Variants in SLC35F1 observed in about 807,000 individuals in gnomAD.
SLC35F1 encodes the protein chromosome 6 open reading frame 169.
A neutral mutation model predicts 48.7 loss-of-function variants in SLC35F1; 14 were observed. The observed-to-expected ratio is 0.29, with a 90% confidence interval of 0.19 to 0.45. SLC35F1 has a LOEUF of 0.45. SLC35F1 is among the 20% of genes least tolerant of loss of function. The pLI, the probability that SLC35F1 is intolerant of heterozygous loss-of-function variation, is 1.00. For missense variants in SLC35F1, 404 were observed against 500.0 expected (o/e 0.81, Z 1.83); for synonymous variants, 190 against 202.2 (o/e 0.94, Z 0.51).
chr6:118,037,785 T>C (rs138468007), intron 1 of SLC35F1, among the ~76,000 whole-genome samples: 2,201 of 149,750 alleles, frequency 0.015, 61 homozygotes, highest in African/African-American at 0.051. Flanking sequence ...AACCAAACAC[T>C]GCATATTCTC....
At chr6:118,005,061 C>T (rs547903301) in intron 1 of SLC35F1, among the ~76,000 whole-genome samples, 13 of 152,206 alleles carry the variant, frequency 8.5e-5, no homozygotes, top group Non-Finnish European at 1.3e-4. Context: ...CAGTTAGACT[C>T]GTCATTCTGA....
At chr6:118,117,319 C>T (rs1252542296) in intron 1 of SLC35F1, among the ~76,000 whole-genome samples, 1 of 152,204 alleles carries the variant, frequency 6.6e-6, no homozygotes, top group African/African-American at 2.4e-5. Context: ...CTCAATTTTG[C>T]AGAGCAGCTT....
intron 1 of SLC35F1, among the ~76,000 whole-genome samples, chr6:118,099,343 C>A (rs1427629681): frequency 6.6e-6 from 1 of 152,174 alleles, no homozygotes; most frequent in African/African-American, 2.4e-5. Flanking sequence ...AGTTGGGAAA[C>A]CTTATTTTGA....
chr6:118,258,842 G>A (rs1373739133), intron 3 of SLC35F1, among the ~76,000 whole-genome samples: 1 of 151,774 alleles, frequency 6.6e-6, no homozygotes, highest in Non-Finnish European at 1.5e-5. Flanking sequence ...AACTGAATTA[G>A]CTATTAACTT....
intron 1 of SLC35F1, among the ~76,000 whole-genome samples, chr6:117,977,668 T>C (rs1776722946): frequency 6.6e-6 from 1 of 152,176 alleles, no homozygotes; most frequent in Non-Finnish European, 1.5e-5. Flanking sequence ...ATCTGCTATA[T>C]CTGGGGTATT....
At chr6:118,216,806 T>G (rs901522476) in intron 2 of SLC35F1, among the ~76,000 whole-genome samples, 1 of 152,178 alleles carries the variant, frequency 6.6e-6, no homozygotes, top group Non-Finnish European at 1.5e-5. Context: ...AAGTATCACA[T>G]GGATATATTA....
intron 2 of SLC35F1, among the ~76,000 whole-genome samples, chr6:118,202,676 T>A (rs751669441): frequency 6.6e-6 from 1 of 152,214 alleles, no homozygotes; most frequent in African/African-American, 2.4e-5. Context: ...CCTGCTTCCA[T>A]GGCAATTCCA....
At chr6:118,003,028 C>T (rs1777125206) in intron 1 of SLC35F1, among the ~76,000 whole-genome samples, 1 of 152,108 alleles carries the variant, frequency 6.6e-6, no homozygotes, top group South Asian at 2.1e-4. Context: ...AGATTGTGCT[C>T]AGTAAATCAA....
intron 1 of SLC35F1, among the ~76,000 whole-genome samples, chr6:118,065,472 GT>G (rs1252811298): frequency 6.6e-6 from 1 of 152,090 alleles, no homozygotes; most frequent in African/African-American, 2.4e-5. Flanking sequence ...AAAATTTGAG[GT>G]GATGGATATC....
At chr6:117,943,905 G>T (rs938199423) in intron 1 of SLC35F1, among the ~76,000 whole-genome samples, 7 of 152,150 alleles carry the variant, frequency 4.6e-5, no homozygotes, top group Non-Finnish European at 1.0e-4. Context: ...ATTAAAGAGT[G>T]TTCAAACTTT....
Position 118,316,061 on chromosome 6 carries a change from G to A in SLC35F1, c.*1809G>A, listed in dbSNP as rs1050408789. On this transcript the variant is annotated 3_prime_UTR_variant, in exon 8 of 8. Coordinates refer to ENST00000360388, the MANE Select transcript of SLC35F1 (RefSeq NM_001029858.4). ...TAAGCAAGCAAAGCAAAACACCAGT[G>A]GGGTCTCTGGAAAGTAAAAGGACAG... The A allele has an allele frequency of 6.6e-6, 1 of 152,170 alleles. No individual in the cohort carries two copies. The highest frequency in any genetic ancestry group is 1.5e-5 in the Non-Finnish European group (1 of 68,038). 9.4% of individuals were successfully genotyped at this position (152,170 alleles called of 1,614,324 possible).
At chr6:118,082,619 G>A (rs1772928215) in intron 1 of SLC35F1, among the ~76,000 whole-genome samples, 1 of 151,270 alleles carries the variant, frequency 6.6e-6, no homozygotes, top group South Asian at 2.1e-4. Context: ...ACCACCAAAA[G>A]TTGAGCCTTC....
chr6:118,003,554 AGT>A (rs1476816856), intron 1 of SLC35F1, among the ~76,000 whole-genome samples: 2 of 152,198 alleles, frequency 1.3e-5, no homozygotes, highest in African/African-American at 4.8e-5. Context: ...ATAAGCTAAG[AGT>A]GTGCTGTTCA....
At chr6:118,002,152 G>A (rs1239004201) in intron 1 of SLC35F1, among the ~76,000 whole-genome samples, 23 of 146,692 alleles carry the variant, frequency 1.6e-4, no homozygotes, top group African/African-American at 3.6e-4. Flanking sequence ...ACATGCACAC[G>A]TATGTTTATT....
intron 1 of SLC35F1, among the ~76,000 whole-genome samples, chr6:118,013,719 T>A (rs976526036): frequency 6.6e-6 from 1 of 152,222 alleles, no homozygotes; most frequent in Admixed American, 6.5e-5. Context: ...TGTTATTTTT[T>A]TTCATTGAAT....
intron 1 of SLC35F1, among the ~76,000 whole-genome samples, chr6:118,081,998 A>C (rs1401582084): frequency 1.3e-5 from 2 of 152,202 alleles, no homozygotes; most frequent in Non-Finnish European, 2.9e-5. Context: ...TCAATAACCT[A>C]TGTTTTTAAA....
At chr6:118,246,668 C>T (rs1352484120) in intron 3 of SLC35F1, among the ~76,000 whole-genome samples, 1 of 152,130 alleles carries the variant, frequency 6.6e-6, no homozygotes, top group Non-Finnish European at 1.5e-5. Flanking sequence ...GGTGCCCTTA[C>T]ATGTTTGTTT....
At chr6:118,128,693 G>A (rs986635103) in intron 1 of SLC35F1, among the ~76,000 whole-genome samples, 1 of 151,814 alleles carries the variant, frequency 6.6e-6, no homozygotes, top group Non-Finnish European at 1.5e-5. Flanking sequence ...GATAGCATTA[G>A]GAGATATTCC....
intron 1 of SLC35F1, among the ~76,000 whole-genome samples, chr6:118,095,693 C>T (rs998519595): frequency 1.1e-4 from 16 of 152,120 alleles, no homozygotes; most frequent in African/African-American, 3.6e-4. Flanking sequence ...TTGACCAAAT[C>T]AGACATACAC....
Sources: allele counts gnomAD v4.1 joint callset (sites outside exome capture counted in the v4.1 genomes callset), GRCh38; gene constraint gnomAD v4.1.1; transcripts MANE v1.5; gene names NCBI Gene and HGNC (gene_info 2026-07-23, HGNC 2026-07-21).